DYNC2I1: variants seen among roughly 807,000 people sequenced by gnomAD.
DYNC2I1 encodes dynein 2 intermediate chain 1.
A neutral mutation model predicts 133.4 loss-of-function variants in DYNC2I1; 89 were observed. That is an observed-to-expected ratio of 0.67 (90% CI 0.56 to 0.80). The LOEUF is 0.80. Ranked by LOEUF, DYNC2I1 falls within the 30% of genes least tolerant of loss-of-function variation. DYNC2I1 has a pLI of 0.00. For synonymous variants in DYNC2I1, 504 were observed against 484.3 expected, an observed-to-expected ratio of 1.04 and a Z score of -0.54; for missense variants, 1,291 against 1,314.5, an observed-to-expected ratio of 0.98 and a Z score of 0.28.
At chr7:158,942,906 G>A (rs532807310) in intron 24 of DYNC2I1, among the ~76,000 whole-genome samples, 1 of 152,314 alleles carries the variant, frequency 6.6e-6, no homozygotes, top group African/African-American at 2.4e-5. Context: ...GTAGTTCTTC[G>A]TTGCTTTGTT....
chr7:158,885,904 A>C (rs947371992), intron 6 of DYNC2I1, among the ~76,000 whole-genome samples: 10 of 152,062 alleles, frequency 6.6e-5, no homozygotes, highest in African/African-American at 2.2e-4. Context: ...GAAAGTTTAA[A>C]AATTGAGAAT....
At chr7:158,958,054 G>C (rs1852244415), downstream of DYNC2I1, among the ~76,000 whole-genome samples, 1 of 151,322 alleles carries the variant, frequency 6.6e-6, no homozygotes, top group Non-Finnish European at 1.5e-5. Flanking sequence ...TGGAGAGGGT[G>C]TGGTCTGCAC....
chr7:158,847,960 T>C, the DYNC2I1 span, among the ~76,000 whole-genome samples: 3 of 152,246 alleles, frequency 2.0e-5, no homozygotes, highest in Admixed American at 6.5e-5. Context: ...TAATAGATTG[T>C]AAAAATAACT....
At chr7:158,941,826 G>T in intron 23 of DYNC2I1, 99 bp from the exon 24 acceptor site, 1 of 1,389,112 alleles carries the variant, frequency 7.2e-7, no homozygotes, top group South Asian at 1.3e-5. Flanking sequence ...GCCATGAGCT[G>T]TGATTGCACC....
chr7:158,915,047 C>T (rs1271757680), intron 14 of DYNC2I1, among the ~76,000 whole-genome samples: 1 of 150,670 alleles, frequency 6.6e-6, no homozygotes, highest in Admixed American at 6.8e-5. Flanking sequence ...TGTGAAACCT[C>T]AACACGCTAG....
chr7:158,884,590 A>G lies in DYNC2I1; in HGVS notation c.906A>G (p.Ala302=), dbSNP rs1844411080. 5.6e-6 allele frequency: 9 copies of G among 1,613,374 alleles called. No individual in the cohort carries two copies. Among genetic ancestry groups the G allele is most frequent in the Middle Eastern group, 1.6e-4 (1 of 6,062 alleles). ...ATGGTGAACACAGAAATCGAGGTGCAAGCTCAAAAAGAGATGGGACCAGCA... is the reference window on the plus strand; with the variant it reads ...ATGGTGAACACAGAAATCGAGGTGCGAGCTCAAAAAGAGATGGGACCAGCA... ...SQNGEHRNRG[A]SSKRDGTSSQ... is the part of the protein sequence containing the mutation. Residue 302 remains alanine, a synonymous_variant, in exon 6 of 25, where the codon GCA becomes GCG. Transcript: ENST00000407559.
intron 20 of DYNC2I1, among the ~76,000 whole-genome samples, chr7:158,928,259 T>C (rs967679969): frequency 1.3e-5 from 2 of 150,862 alleles, no homozygotes; most frequent in African/African-American, 4.8e-5. Flanking sequence ...TGGTTGAGAT[T>C]AGCCCATGTT....
intron 23 of DYNC2I1, among the ~76,000 whole-genome samples, chr7:158,938,495 C>T (rs555344037): frequency 7.2e-5 from 11 of 152,274 alleles, no homozygotes; most frequent in South Asian, 6.2e-4. Flanking sequence ...TGGTGGCTCA[C>T]GCCTGTAATC....
intron 17 of DYNC2I1, among the ~76,000 whole-genome samples, chr7:158,924,884 A>G (rs1454091493): frequency 6.6e-6 from 1 of 152,026 alleles, no homozygotes; most frequent in Non-Finnish European, 1.5e-5. Context: ...ACTCCTGAGT[A>G]TCTGGGATTA....
intron 2 of DYNC2I1, among the ~76,000 whole-genome samples, 199 bp from the exon 3 acceptor site, chr7:158,870,943 A>T (rs1265790622): frequency 1.3e-5 from 2 of 151,900 alleles, no homozygotes; most frequent in African/African-American, 2.4e-5. Context: ...TCTAAGCTTG[A>T]CTCCATGTCC....
intron 21 of DYNC2I1, 74 bp downstream of exon 21, chr7:158,930,589 A>G (rs773912703): frequency 1.4e-4 from 182 of 1,269,050 alleles, no homozygotes; most frequent in Non-Finnish European, 2.0e-4. Context: ...AATTGCATAT[A>G]CGGTAAATGG....
At chr7:158,908,427 A>G (rs868113807) in intron 11 of DYNC2I1, among the ~76,000 whole-genome samples, 7 of 152,248 alleles carry the variant, frequency 4.6e-5, no homozygotes, top group African/African-American at 1.7e-4. Flanking sequence ...TTGTCTGTAA[A>G]TCTGACAAAA....
At chr7:158,926,924 A>G (rs1849685412) in intron 19 of DYNC2I1, 68 bp from the exon 20 acceptor site, 13 of 1,192,086 alleles carry the variant, frequency 1.1e-5, no homozygotes, top group Non-Finnish European at 1.4e-5. Context: ...AATTAGAGCT[A>G]TGCTTTGCTT....
chr7:158,895,427 C>T (rs1845672573), intron 8 of DYNC2I1, among the ~76,000 whole-genome samples: 1 of 152,126 alleles, frequency 6.6e-6, no homozygotes, highest in Non-Finnish European at 1.5e-5. Flanking sequence ...GCCATTGCTC[C>T]CTTTTCAAAG....
chr7:158,916,025 G>C (rs1171280886), intron 14 of DYNC2I1, among the ~76,000 whole-genome samples: 19 of 77,092 alleles, frequency 2.5e-4, no homozygotes, highest in Non-Finnish European at 3.4e-4. Context: ...ATTGTGAAAC[G>C]TCTACACGCT....
intron 1 of DYNC2I1, among the ~76,000 whole-genome samples, chr7:158,858,353 A>G (rs1247221879): frequency 6.6e-6 from 1 of 152,214 alleles, no homozygotes; most frequent in Non-Finnish European, 1.5e-5. Flanking sequence ...GATTGGACCA[A>G]TAGATACAAT....
rs541338938 is a variant in DYNC2I1 at position 158,930,554 on chromosome 7, A to T, written c.2546+39A>T. ...GAAAATGCTTCACTATCTCACAAAG[A>T]CCTAGAAGGAAAATAACATTGGGGA... On this transcript the variant is annotated intron_variant, in intron 21 of 24. Transcript: ENST00000407559. 7.0e-6 allele frequency: 11 copies of T among 1,563,610 alleles called. No individual in the cohort carries two copies. In the East Asian group the frequency reaches 2.3e-4, roughly 32 times the overall value.
intron 8 of DYNC2I1, among the ~76,000 whole-genome samples, chr7:158,893,863 G>T (rs565729884): frequency 6.6e-6 from 1 of 151,152 alleles, no homozygotes; most frequent in Non-Finnish European, 1.5e-5. Context: ...ACCACATATT[G>T]TACCACATAT....
intron 7 of DYNC2I1, among the ~76,000 whole-genome samples, chr7:158,887,648 A>T (rs910109802): frequency 6.6e-6 from 1 of 152,242 alleles, no homozygotes; most frequent in Non-Finnish European, 1.5e-5. Context: ...AGTAGCCTGA[A>T]TAGACCTATA....
Sources: allele counts gnomAD v4.1 joint callset (sites outside exome capture counted in the v4.1 genomes callset), GRCh38; gene constraint gnomAD v4.1.1; transcripts MANE v1.5; gene names NCBI Gene and HGNC (gene_info 2026-07-23, HGNC 2026-07-21).